Variants in KIAA1549 observed in about 807,000 individuals in gnomAD.
KIAA1549 encodes KIAA1549.
Under a neutral mutation model 156.4 loss-of-function variants are expected in KIAA1549, and 70 were observed. That is an observed-to-expected ratio of 0.45 (90% CI 0.37 to 0.55). The LOEUF is 0.55. KIAA1549 is among the 20% of genes least tolerant of loss of function. The probability of loss-of-function intolerance (pLI) is 0.00; values close to 1 mark genes in which losing one functional copy is unlikely to be tolerated. For synonymous variants in KIAA1549, 1,103 were observed against 1,066.4 expected (o/e 1.03, Z -0.67); for missense variants, 2,428 against 2,540.9 (o/e 0.96, Z 0.96).
rs537028485 is a variant in KIAA1549, at chr7:138,916,359, C to T, written c.2878+389G>A. On this transcript the variant is annotated intron_variant, in intron 2 of 19. Transcript: ENST00000422774. ...GGTAGGACAAAGATCCTACCAAGAA[C>T]TTCCAAGGCTTGTTTAGTTCTTGTA... is the stretch of plus-strand genomic sequence containing the variant. Among the ~76,000 whole-genome samples the T allele has an allele frequency of 2.9e-4, 44 of 152,340 alleles. No individual in the cohort carries two copies. The South Asian group carries it at 3.9e-3, about 14-fold the overall frequency.
chr7:138,843,521 C>A (rs1809982232), intron 18 of KIAA1549, among the ~76,000 whole-genome samples: 1 of 152,028 alleles, frequency 6.6e-6, no homozygotes, highest in African/African-American at 2.4e-5. Flanking sequence ...AAAGGTAATC[C>A]TTCTAATAGA....
chr7:138,859,412 T>G (rs1323663065), intron 16 of KIAA1549, among the ~76,000 whole-genome samples: 7 of 152,130 alleles, frequency 4.6e-5, no homozygotes, highest in Non-Finnish European at 1.0e-4. Flanking sequence ...CTGTGTGAAT[T>G]TTGAGGGTTG....
At chr7:138,872,657 C>A (rs1810974086) in intron 12 of KIAA1549, among the ~76,000 whole-genome samples, 1 of 152,212 alleles carries the variant, frequency 6.6e-6, no homozygotes. Flanking sequence ...GTCATCCCAG[C>A]ACTTTGAGAG....
Position 138,862,792 on chromosome 7 carries a change from G to A in KIAA1549, c.4930-1336C>T, listed in dbSNP as rs190316299. Among the ~76,000 whole-genome samples, 7 of 152,188 alleles carry A rather than the reference G, an allele frequency of 4.6e-5. No homozygotes were observed. The East Asian group carries it at 7.8e-4, about 17-fold the overall frequency. On this transcript the variant is annotated intron_variant, in intron 15 of 19. Transcript: ENST00000422774. ...CTAAAAATATAAAAATTAGCTGGGC[G>A]TAGTGTGCACGCCTGTAATCTCAGC...
At chr7:138,862,154 G>C (rs1332240992) in intron 15 of KIAA1549, among the ~76,000 whole-genome samples, 1 of 152,100 alleles carries the variant, frequency 6.6e-6, no homozygotes, top group African/African-American at 2.4e-5. Flanking sequence ...AAAATAGTCT[G>C]ACATACCCTT....
rs188189716 is a variant in KIAA1549, at chr7:138,957,918, T to C, written c.187+23165A>G. Among the ~76,000 whole-genome samples the C allele has an allele frequency of 5.0e-4, 76 of 152,324 alleles. 1 individual carries two copies. Among genetic ancestry groups the C allele is most frequent in the Admixed American group, 1.2e-3 (18 of 15,296 alleles). On this transcript the variant is annotated intron_variant, in intron 1 of 19. Coordinates refer to ENST00000422774, the MANE Select transcript of KIAA1549 (RefSeq NM_001164665.2). ...CTTCCTCTCCAAGCAACCGTGCATT[T>C]CGCTATGGGTGCATACTCATGAGTC...
chr7:138,951,264 C>G (rs1001706052), intron 1 of KIAA1549, among the ~76,000 whole-genome samples: 1 of 152,122 alleles, frequency 6.6e-6, no homozygotes, highest in Non-Finnish European at 1.5e-5. Context: ...GAATCCCGGA[C>G]AGGGCATCAC....
chr7:138,957,369 G>C (rs1032808209), intron 1 of KIAA1549, among the ~76,000 whole-genome samples: 3 of 152,068 alleles, frequency 2.0e-5, no homozygotes, highest in Admixed American at 6.5e-5. Context: ...AGCAATAAGG[G>C]AACAAACAGA....
chr7:138,936,877 G>A (rs559470310), intron 1 of KIAA1549, among the ~76,000 whole-genome samples: 6 of 152,006 alleles, frequency 3.9e-5, no homozygotes, highest in African/African-American at 1.2e-4. Context: ...CTCTCTCTAC[G>A]AGCCATAACC....
Position 138,907,001 on chromosome 7 carries a change from C to T in KIAA1549, c.3378G>A (p.Ser1126=), listed in dbSNP as rs374799059. The change falls in exon 6 of 20, where the codon TCG becomes TCA. Residue 1126 remains serine (S), a synonymous_variant. Coordinates refer to ENST00000422774, the MANE Select transcript of KIAA1549 (RefSeq NM_001164665.2). ...AGTTTCTGAGCAGCTCGCTCACTTC[C>T]GACCCATTCAAAAATCCCTGTGTGC... ...VKSTQGFLNG[S]EVSELLRNLS... 1.4e-5 allele frequency: 22 copies of T among 1,613,512 alleles called. No homozygotes were observed. Among genetic ancestry groups the T allele is most frequent in the Middle Eastern group, 1.6e-4 (1 of 6,080 alleles).
intron 10 of KIAA1549, among the ~76,000 whole-genome samples, chr7:138,884,350 C>T (rs1301361848): frequency 6.6e-6 from 1 of 152,068 alleles, no homozygotes; most frequent in Non-Finnish European, 1.5e-5. Context: ...ACTGAACAGG[C>T]CCCCTCTTGG....
At chr7:138,966,133 A>C (rs986564586) in intron 1 of KIAA1549, among the ~76,000 whole-genome samples, 1 of 152,104 alleles carries the variant, frequency 6.6e-6, no homozygotes, top group Non-Finnish European at 1.5e-5. Flanking sequence ...CCCAAAATTC[A>C]CATGTTGAAG....
Position 138,869,702 on chromosome 7 carries a change from C to T in KIAA1549, c.4611G>A (p.Leu1537=), listed in dbSNP as rs750509788. Residue 1537 remains leucine (L), a synonymous_variant, in exon 14 of 20, where the codon CTG becomes CTA. Coordinates refer to ENST00000422774, the MANE Select transcript of KIAA1549 (RefSeq NM_001164665.2). ...CGTAGTGCCCGCGGCGCTTGGCGCG[C>T]AGGCGGATCTTGTTGCGATGGTGCT... ...EIEHHRNKIR[L]RAKRRGHYEF... 6 of 1,612,174 alleles carry T rather than the reference C, an allele frequency of 3.7e-6. No homozygotes were observed. The highest frequency in any genetic ancestry group is 2.2e-5 in the East Asian group (1 of 44,872).
At chr7:138,974,267 G>A (rs1214510999) in intron 1 of KIAA1549, among the ~76,000 whole-genome samples, 5 of 152,036 alleles carry the variant, frequency 3.3e-5, no homozygotes, top group Admixed American at 3.3e-4. Context: ...CTGCTGTGCT[G>A]AGCATTAACC....
intron 12 of KIAA1549, among the ~76,000 whole-genome samples, chr7:138,878,991 C>T (rs1811167808): frequency 6.6e-6 from 1 of 150,760 alleles, no homozygotes; most frequent in South Asian, 2.1e-4. Context: ...TCAGCCTTAA[C>T]AGTCATACCC....
chr7:138,951,609 C>A (rs1404020175), intron 1 of KIAA1549, among the ~76,000 whole-genome samples: 1 of 152,166 alleles, frequency 6.6e-6, no homozygotes. Context: ...ACGACACCTG[C>A]TTTCCCCATA....
chr7:138,963,084 G>A (rs1184420453), intron 1 of KIAA1549, among the ~76,000 whole-genome samples: 2 of 152,242 alleles, frequency 1.3e-5, no homozygotes, highest in East Asian at 3.8e-4. Flanking sequence ...CATCCAGCAC[G>A]GTGCTCAGCA....
At chr7:138,838,314 C>T (rs1002296310) in intron 19 of KIAA1549, among the ~76,000 whole-genome samples, 154 bp from the exon 20 acceptor site, 9 of 152,146 alleles carry the variant, frequency 5.9e-5, no homozygotes, top group African/African-American at 1.2e-4. Flanking sequence ...GCAGGTGAGG[C>T]GTGAAGACAC....
At chr7:138,951,071 T>C (rs1387076863) in intron 1 of KIAA1549, among the ~76,000 whole-genome samples, 1 of 152,090 alleles carries the variant, frequency 6.6e-6, no homozygotes, top group East Asian at 1.9e-4. Flanking sequence ...TTGTTTTGTT[T>C]TGTTTTGTTT....
Sources: allele counts gnomAD v4.1 joint callset (sites outside exome capture counted in the v4.1 genomes callset), GRCh38; gene constraint gnomAD v4.1.1; transcripts MANE v1.5; gene names NCBI Gene and HGNC (gene_info 2026-07-23, HGNC 2026-07-21).